RFFL: variants seen among roughly 807,000 people sequenced by gnomAD.
The protein encoded by RFFL is ring finger and FYVE like domain containing E3 ubiquitin protein ligase.
Under a neutral mutation model 40.4 loss-of-function variants are expected in RFFL, and 16 were observed. The ratio of observed to expected loss-of-function variants is 0.40; its 90% confidence interval spans 0.27 to 0.60. RFFL has a LOEUF of 0.60. Ranked by LOEUF, RFFL falls within the 20% of genes least tolerant of loss-of-function variation. The pLI, the probability that RFFL is intolerant of heterozygous loss-of-function variation, is 0.47. For synonymous variants in RFFL, 154 were observed against 167.9 expected (o/e 0.92, Z 0.64); for missense variants, 367 against 451.7 (o/e 0.81, Z 1.70).
At chr17:35,027,761 A>G (rs9908260) in intron 1 of RFFL, among the ~76,000 whole-genome samples, 3,739 of 148,830 alleles carry the variant, frequency 0.025, 160 homozygotes, top group African/African-American at 0.087. Context: ...GGCCAGGTGC[A>G]GTGGTTCACT....
At chr17:35,039,935 A>G (rs1037562187) in intron 1 of RFFL, among the ~76,000 whole-genome samples, 4 of 151,980 alleles carry the variant, frequency 2.6e-5, no homozygotes, top group African/African-American at 9.7e-5. Context: ...TCGGCCTCCC[A>G]AAGTGCTGGG....
At chr17:35,013,796 AGAAAG>A (rs1345980697) in intron 6 of RFFL, among the ~76,000 whole-genome samples, 1 of 152,194 alleles carries the variant, frequency 6.6e-6, no homozygotes, top group African/African-American at 2.4e-5. Flanking sequence ...AATCAGAAAA[AGAAAG>A]GAAGCACCAA....
intron 1 of RFFL, among the ~76,000 whole-genome samples, chr17:35,048,357 A>G (rs973284666): frequency 6.6e-6 from 1 of 151,940 alleles, no homozygotes; most frequent in African/African-American, 2.4e-5. Flanking sequence ...AGCCGAGATC[A>G]CGCCACTGCA....
At chr17:35,023,310 T>A (rs1464118690) in intron 2 of RFFL, among the ~76,000 whole-genome samples, 2 of 152,220 alleles carry the variant, frequency 1.3e-5, no homozygotes, top group African/African-American at 4.8e-5. Context: ...AAGATAGTTA[T>A]ATAAGTTTTG....
intron 1 of RFFL, among the ~76,000 whole-genome samples, chr17:35,050,604 C>A (rs1159303847): frequency 6.6e-6 from 1 of 151,994 alleles, no homozygotes; most frequent in African/African-American, 2.4e-5. Context: ...AGCGATCCTC[C>A]CGCCTCAGCT....
chr17:35,054,710 C>G (rs1477683856), intron 1 of RFFL, among the ~76,000 whole-genome samples: 3 of 152,102 alleles, frequency 2.0e-5, no homozygotes, highest in Admixed American at 1.3e-4. Flanking sequence ...TTCCAAAGAG[C>G]AGTGTCATGC....
intron 1 of RFFL, among the ~76,000 whole-genome samples, chr17:35,050,033 G>A (rs2091222867): frequency 6.7e-6 from 1 of 149,928 alleles, no homozygotes; most frequent in Non-Finnish European, 1.5e-5. Flanking sequence ...AGAGAGCTGA[G>A]ATCACGCCAT....
chr17:35,025,089 G>GGCCTTCTTCATCTCTGCCTCCCTA (rs2091033187), intron 2 of RFFL: 1 of 152,172 alleles, frequency 6.6e-6, no homozygotes, highest in Non-Finnish European at 1.5e-5. Context: ...AAGCAGCAAT[G>GGCCTTCTTCATCTCTGCCTCCCTA]GCCTTCTTCA....
intron 1 of RFFL, among the ~76,000 whole-genome samples, chr17:35,072,251 A>C (rs991044315): frequency 7.9e-5 from 12 of 151,736 alleles, no homozygotes; most frequent in African/African-American, 2.7e-4. Context: ...ACTGCACTCC[A>C]GCCTGGGCAA....
intron 6 of RFFL, 31 bp from the exon 7 acceptor site, chr17:35,012,180 G>A (rs1403100333): frequency 4.4e-6 from 7 of 1,602,014 alleles, no homozygotes; most frequent in Non-Finnish European, 8.5e-7. Context: ...GAAAAAAAGG[G>A]GCAGAGGAGT....
Position 35,011,190 on chromosome 17 carries a change from G to C in RFFL, c.*778C>G, listed in dbSNP as rs900220356. On this transcript the variant is annotated 3_prime_UTR_variant, in exon 7 of 7. Coordinates refer to ENST00000394597, the MANE Select transcript of RFFL (RefSeq NM_001017368.2). ...GGATGGTGCAAATCAGGTCCCAAGA[G>C]AAGCAGCAGCAGGGATTATGCACGC... is the stretch of plus-strand genomic sequence containing the variant. 2 of 152,186 alleles carry C rather than the reference G, an allele frequency of 1.3e-5. No individual in the cohort carries two copies. Among genetic ancestry groups the C allele is most frequent in the African/African-American group, 4.8e-5 (2 of 41,430 alleles). The allele number at this position is 152,186 out of a possible 1,614,324, so 9.4% of individuals were successfully genotyped here. A position where few individuals can be genotyped will look rare whatever the true frequency, so the allele number is the denominator to read the frequency against.
intron 1 of RFFL, among the ~76,000 whole-genome samples, chr17:35,028,990 A>G (rs1024656170): frequency 3.3e-5 from 5 of 152,026 alleles, no homozygotes; most frequent in African/African-American, 1.2e-4. Context: ...GTGCCCAATT[A>G]GACAGGTAGC....
chr17:35,043,384 A>G (rs1401553345), intron 1 of RFFL, among the ~76,000 whole-genome samples: 1 of 152,190 alleles, frequency 6.6e-6, no homozygotes, highest in Non-Finnish European at 1.5e-5. Context: ...TCAATCTTAC[A>G]TCAAGAGCAG....
Position 35,037,558 on chromosome 17 carries a change from G to C in RFFL, c.-8-10997C>G, listed in dbSNP as rs572332301. The stretch of plus-strand genomic sequence containing the variant: ...GAAGAATGCTTATTTGCCAGGCACT[G>C]AGATAGGTACTTTTACCTAGTGTTA... On this transcript the variant is annotated intron_variant, in intron 1 of 6. Coordinates refer to ENST00000394597, the MANE Select transcript of RFFL (RefSeq NM_001017368.2). 9.2e-5 allele frequency among the ~76,000 whole-genome samples: 14 copies of C among 152,338 alleles called. No individual in the cohort carries two copies. The East Asian group carries it at 2.7e-3, about 29-fold the overall frequency.
chr17:35,068,730 T>A (rs1288118885), intron 1 of RFFL, among the ~76,000 whole-genome samples: 1 of 152,012 alleles, frequency 6.6e-6, no homozygotes, highest in Non-Finnish European at 1.5e-5. Flanking sequence ...ATTGAAAAAG[T>A]AGCAAGCATG....
At chr17:35,076,580 A>T (rs1396262151) in intron 1 of RFFL, among the ~76,000 whole-genome samples, 1 of 151,598 alleles carries the variant, frequency 6.6e-6, no homozygotes, top group African/African-American at 2.4e-5. Flanking sequence ...TGGGAGGCTG[A>T]GGCAGGAGAA....
intron 1 of RFFL, among the ~76,000 whole-genome samples, chr17:35,037,927 A>T (rs2091133848): frequency 1.3e-5 from 2 of 152,214 alleles, no homozygotes; most frequent in Non-Finnish European, 2.9e-5. Context: ...TATGACCACA[A>T]AGTGTTACCA....
intron 1 of RFFL, among the ~76,000 whole-genome samples, chr17:35,034,496 T>C (rs1180673310): frequency 6.6e-6 from 1 of 151,696 alleles, no homozygotes; most frequent in South Asian, 2.1e-4. Context: ...TAGGAAAAAC[T>C]GGAAAGTTGT....
At chr17:35,019,152 G>A (rs1190547442) in intron 3 of RFFL, among the ~76,000 whole-genome samples, 2 of 152,182 alleles carry the variant, frequency 1.3e-5, no homozygotes, top group African/African-American at 4.8e-5. Context: ...ACAGTACTGC[G>A]TAAGTTACTT....
Sources: gnomAD v4.1 joint callset for allele counts (sites outside exome capture counted in the v4.1 genomes callset) on GRCh38, gnomAD v4.1.1 for gene constraint, MANE v1.5 for transcripts, NCBI Gene and HGNC (gene_info 2026-07-23, HGNC 2026-07-21) for gene names.